Variants in GRIK3 observed in about 807,000 individuals in gnomAD.
The protein encoded by GRIK3 is glutamate receptor ionotropic, kainate 3.
A neutral mutation model predicts 102.5 loss-of-function variants in GRIK3; 29 were observed. The ratio of observed to expected loss-of-function variants is 0.28; its 90% confidence interval spans 0.21 to 0.39. GRIK3 has a LOEUF of 0.39. Ranked by LOEUF, GRIK3 falls within the 10% of genes least tolerant of loss-of-function variation. The probability of loss-of-function intolerance (pLI) is 1.00; values close to 1 mark genes in which losing one functional copy is unlikely to be tolerated. For synonymous variants in GRIK3, 511 were observed against 504.9 expected (o/e 1.01, Z -0.16); for missense variants, 908 against 1,252.4 (o/e 0.73, Z 4.15).
intron 1 of GRIK3, among the ~76,000 whole-genome samples, chr1:36,914,707 T>G (rs1182301165): frequency 6.6e-6 from 1 of 152,244 alleles, no homozygotes; most frequent in Admixed American, 6.5e-5. Context: ...GTGAAACTAT[T>G]TGATCTACTC....
chr1:36,815,226 C>T (rs2135596), intron 13 of GRIK3, among the ~76,000 whole-genome samples: 18,444 of 152,256 alleles, frequency 0.12, 1,211 homozygotes, highest in Non-Finnish European at 0.15. Context: ...CTCTTGGCAA[C>T]ATCCAAGAGG....
At chr1:36,916,880 G>C (rs541872247) in intron 1 of GRIK3, among the ~76,000 whole-genome samples, 67 of 152,250 alleles carry the variant, frequency 4.4e-4, no homozygotes, top group African/African-American at 1.3e-3. Context: ...GTCTCTATTG[G>C]GGCACCACCT....
At chr1:36,805,488 G>A (rs771369685) in intron 14 of GRIK3, among the ~76,000 whole-genome samples, 5 of 152,222 alleles carry the variant, frequency 3.3e-5, no homozygotes, top group Non-Finnish European at 7.3e-5. Flanking sequence ...CAGTGCCCCT[G>A]AGCTGCATCA....
intron 1 of GRIK3, among the ~76,000 whole-genome samples, chr1:36,916,305 G>T (rs369777323): frequency 6.6e-6 from 1 of 152,190 alleles, no homozygotes; most frequent in South Asian, 2.1e-4. Context: ...TTTTAAAAAG[G>T]AAACAGAGTA....
intron 1 of GRIK3, among the ~76,000 whole-genome samples, chr1:36,977,338 A>G (rs775680090): frequency 1.3e-5 from 2 of 152,218 alleles, no homozygotes; most frequent in African/African-American, 2.4e-5. Flanking sequence ...GCACTATTAT[A>G]CTAAAGGTTC....
chr1:36,832,355 C>G (rs1640312445), intron 10 of GRIK3, among the ~76,000 whole-genome samples: 1 of 152,176 alleles, frequency 6.6e-6, no homozygotes, highest in South Asian at 2.1e-4. Flanking sequence ...TCCTCTGGGT[C>G]AGCTGACAGA....
At position 36,872,444 on chromosome 1, in the gene GRIK3, T is replaced by G; in HGVS notation, c.551-75A>C. ...AGCTCCAGGCATCCACTTGGACTTG[T>G]GTGCACACACATGCCCATGGCCACA... On this transcript the variant is annotated intron_variant, in intron 3 of 15. Coordinates refer to ENST00000373091, the MANE Select transcript of GRIK3 (RefSeq NM_000831.4). The surrounding 1 kb of genome is among the most constrained non-coding windows in gnomAD (Gnocchi z 5.9). 1 of 1,223,776 alleles carries G rather than the reference T, an allele frequency of 8.2e-7. No individual in the cohort carries two copies. Among genetic ancestry groups the G allele is most frequent in the Non-Finnish European group, 1.1e-6 (1 of 874,234 alleles). 75.8% of individuals were successfully genotyped at this position (1,223,776 alleles called of 1,614,324 possible).
At chr1:37,016,670 C>T (rs936927870) in intron 1 of GRIK3, among the ~76,000 whole-genome samples, 1 of 152,024 alleles carries the variant, frequency 6.6e-6, no homozygotes, top group Non-Finnish European at 1.5e-5. Flanking sequence ...CAGTGACTGG[C>T]CCTGGAACAG....
intron 1 of GRIK3, among the ~76,000 whole-genome samples, chr1:36,984,670 AAAG>A (rs1642286288): frequency 6.6e-6 from 1 of 152,192 alleles, no homozygotes; most frequent in Non-Finnish European, 1.5e-5. Flanking sequence ...GGGAGAGAAG[AAAG>A]AAGGTGGTAA....
intron 7 of GRIK3, among the ~76,000 whole-genome samples, chr1:36,856,827 G>T (rs1640658247): frequency 1.3e-5 from 2 of 152,272 alleles, no homozygotes; most frequent in South Asian, 4.2e-4. Flanking sequence ...ATTTCCAAGG[G>T]TTGAGGGGCA....
chr1:36,818,940 C>T (rs1642665082), intron 12 of GRIK3, among the ~76,000 whole-genome samples: 1 of 152,200 alleles, frequency 6.6e-6, no homozygotes, highest in African/African-American at 2.4e-5. Flanking sequence ...GGAGTGAGCA[C>T]ATGGCTGGTG....
intron 9 of GRIK3, among the ~76,000 whole-genome samples, chr1:36,849,201 C>G (rs1002672735): frequency 5.3e-5 from 8 of 152,156 alleles, no homozygotes; most frequent in Non-Finnish European, 8.8e-5. Flanking sequence ...TGCCACCCAG[C>G]CACCAAGCAC....
chr1:36,948,647 C>T (rs1220669982), intron 1 of GRIK3, among the ~76,000 whole-genome samples: 3 of 152,132 alleles, frequency 2.0e-5, no homozygotes, highest in African/African-American at 4.8e-5. Flanking sequence ...AAATTATGAG[C>T]GCATGTAGGG....
At chr1:36,963,559 C>T (rs1413127378) in intron 1 of GRIK3, among the ~76,000 whole-genome samples, 1 of 152,194 alleles carries the variant, frequency 6.6e-6, no homozygotes, top group Admixed American at 6.5e-5. Flanking sequence ...TCCCTTTGAA[C>T]ATCTGAGGCT....
intron 1 of GRIK3, among the ~76,000 whole-genome samples, chr1:36,998,533 A>G (rs141520217): frequency 6.6e-6 from 1 of 152,318 alleles, no homozygotes; most frequent in Non-Finnish European, 1.5e-5. Flanking sequence ...CGGGTTATTG[A>G]CACGCATATG....
intron 1 of GRIK3, among the ~76,000 whole-genome samples, chr1:36,969,341 G>A (rs546154130): frequency 2.0e-5 from 3 of 152,278 alleles, no homozygotes; most frequent in Admixed American, 6.5e-5. Context: ...TAAGGAGACG[G>A]GGCCCATATT....
intron 1 of GRIK3, among the ~76,000 whole-genome samples, chr1:36,938,579 C>A (rs1352155630): frequency 6.6e-6 from 1 of 152,126 alleles, no homozygotes; most frequent in Non-Finnish European, 1.5e-5. Context: ...GAAAAGCCCC[C>A]ACTTATGTCA....
intron 5 of GRIK3, among the ~76,000 whole-genome samples, chr1:36,861,515 G>A (rs1398970996): frequency 6.6e-6 from 1 of 152,150 alleles, no homozygotes; most frequent in African/African-American, 2.4e-5. Flanking sequence ...ACCGTCATGG[G>A]GAACATCCAG....
chr1:37,020,848 C>A (rs1345430696), intron 1 of GRIK3, among the ~76,000 whole-genome samples: 1 of 152,160 alleles, frequency 6.6e-6, no homozygotes, highest in Non-Finnish European at 1.5e-5. Flanking sequence ...CCACCGGCTA[C>A]CCCCGGCCCT....
Sources: gnomAD v4.1 joint callset for allele counts (sites outside exome capture counted in the v4.1 genomes callset) on GRCh38, gnomAD v4.1.1 for gene constraint, Gnocchi (gnomAD v3.1) non-coding constraint, MANE v1.5 for transcripts, NCBI Gene and HGNC (gene_info 2026-07-23, HGNC 2026-07-21) for gene names.